Variants in PRKDC observed in about 807,000 individuals in gnomAD.
The protein encoded by PRKDC is protein kinase, DNA-activated, catalytic subunit.
A neutral mutation model predicts 486.9 loss-of-function variants in PRKDC; 82 were observed. The observed-to-expected ratio is 0.17, with a 90% CI of 0.14 to 0.20. The LOEUF (loss-of-function observed/expected upper bound fraction) is 0.20. Among genes scored for constraint, PRKDC ranks in the 10% least tolerant of loss-of-function variants. The pLI is 1.00. For missense variants in PRKDC, 4,504 were observed against 5,038.2 expected, an observed-to-expected ratio of 0.89 and a Z score of 3.21; for synonymous variants, 1,895 against 1,837.0, an observed-to-expected ratio of 1.03 and a Z score of -0.81.
At chr8:47,848,470 T>C (rs1294152801) in intron 54 of PRKDC, among the ~76,000 whole-genome samples, 1 of 151,890 alleles carries the variant, frequency 6.6e-6, no homozygotes, top group African/African-American at 2.4e-5. Context: ...CAACAGACAC[T>C]GGGGAACAGA....
At chr8:47,836,806 T>G (rs2154499740) in intron 57 of PRKDC, among the ~76,000 whole-genome samples, 1 of 152,312 alleles carries the variant, frequency 6.6e-6, no homozygotes, top group South Asian at 2.1e-4. Context: ...CCAAATGCAA[T>G]GAGTCAAGCG....
At chr8:47,788,030 G>C (rs765620689) in intron 76 of PRKDC, among the ~76,000 whole-genome samples, 1 of 152,180 alleles carries the variant, frequency 6.6e-6, no homozygotes, top group Non-Finnish European at 1.5e-5. Flanking sequence ...TGAGAACTCT[G>C]GCAACAAGAG....
intron 77 of PRKDC, 36 bp from the exon 78 acceptor site, chr8:47,783,845 G>C: frequency 1.3e-6 from 2 of 1,593,838 alleles, no homozygotes; most frequent in Non-Finnish European, 8.6e-7. Context: ...GGAACAGCTT[G>C]TTAGACAACC....
In PRKDC at chr8:47,887,650, C is replaced by A. The variant is rs1192667898; in HGVS notation, c.4469G>T (p.Gly1490Val). 2 of 1,609,094 alleles carry A rather than the reference C, an allele frequency of 1.2e-6. No individual in the cohort carries two copies. The highest frequency in any genetic ancestry group is 1.3e-5 in the African/African-American group (1 of 74,968). ...CTGTCTCTCATCTCCAGGGGCAATG[C>A]CTTTATAAACCAGGGAAAGAAGTTC... ...GTELLSLVYK[G>V]IAPGDERQCL... The change falls in exon 35 of 86, where the codon GGC (glycine) becomes GTC (valine). Residue 1490 changes from glycine to valine, a missense_variant. Coordinates refer to ENST00000314191, the MANE Select transcript of PRKDC (RefSeq NM_006904.7).
intron 50 of PRKDC, 32 bp downstream of exon 50, chr8:47,855,190 C>G (rs2088505975): frequency 6.5e-7 from 1 of 1,528,850 alleles, no homozygotes; most frequent in Non-Finnish European, 8.8e-7. Context: ...ACCTAAATTT[C>G]TAAACAATAC....
At position 47,879,476 on chromosome 8, in the gene PRKDC, C is replaced by G. The variant is rs745639563; in HGVS notation, c.5235+15G>C. The G allele has an allele frequency of 3.3e-6, 5 of 1,538,094 alleles. No homozygotes were observed. The African/African-American group carries it at 5.5e-5, about 17-fold the overall frequency. On this transcript the variant is annotated intron_variant, in intron 39 of 85. Coordinates refer to ENST00000314191, the MANE Select transcript of PRKDC (RefSeq NM_006904.7). ...AACAGTGTTTTAATTTTACTTGATA[C>G]TACTAGAAACTAACCTTTTTCATGC... is the stretch of plus-strand genomic sequence containing the variant.
chr8:47,812,851 G>A (rs565515215), intron 68 of PRKDC, among the ~76,000 whole-genome samples: 1 of 152,014 alleles, frequency 6.6e-6, no homozygotes, highest in East Asian at 1.9e-4. Flanking sequence ...GATGAATCAA[G>A]TGTTAAAAAA....
At chr8:47,812,423 TAC>T (rs2154498647) in intron 68 of PRKDC, among the ~76,000 whole-genome samples, 1 of 152,328 alleles carries the variant, frequency 6.6e-6, no homozygotes, top group East Asian at 1.9e-4. Context: ...ATCAAAATCA[TAC>T]AGAGGGTGTT....
At position 47,902,610 on chromosome 8, in the gene PRKDC, C is replaced by T; in HGVS notation, c.3228G>A (p.Leu1076=). The change falls in exon 27 of 86, where the codon CTG becomes CTA. Residue 1076 remains leucine, a synonymous_variant. Coordinates refer to ENST00000314191, the MANE Select transcript of PRKDC (RefSeq NM_006904.7). ...LALHPNAFKR[L]GASLAFNNIY... The stretch of plus-strand genomic sequence containing the variant: ...TATTATTAAAGGCAAGTGATGCTCC[C>T]AGCCTCTTGAAAGCATTGGGGTGAA... 6.2e-7 allele frequency: 1 copy of T among 1,607,160 alleles called. No homozygotes were observed. Among genetic ancestry groups the T allele is most frequent in the Non-Finnish European group, 8.5e-7 (1 of 1,176,932 alleles).
At chr8:47,955,750 A>C in intron 4 of PRKDC, 124 bp downstream of exon 4, 1 of 695,458 alleles carries the variant, frequency 1.4e-6, no homozygotes, top group Admixed American at 3.1e-5. Context: ...TCTTACCCAC[A>C]CATCAATGTG....
chr8:47,840,088 A>C lies in PRKDC; in HGVS notation c.7382T>G (p.Phe2461Cys). The C allele has an allele frequency of 6.3e-7, 1 of 1,575,958 alleles. No individual in the cohort carries two copies. Among genetic ancestry groups the C allele is most frequent in the Non-Finnish European group, 8.6e-7 (1 of 1,158,636 alleles). Residue 2461 changes from phenylalanine to cysteine, a missense_variant, in exon 55 of 86, where the codon TTC becomes TGC. Physicochemically the swap from Phe to Cys is radical, Grantham distance 205. This residue lies in a region of PRKDC where 1,592 missense variants were observed against 1,724.6 expected (regional missense o/e 0.92). Transcript: ENST00000314191. The part of the protein sequence containing the change: ...LRELLNPVVE[F>C]VSHPSTTCRE... ...ACATGTTGTAGAAGGATGGGAAACG[A>C]ATTCCACAACGGGGTTCAGAAGTTC...
Position 47,935,888 on chromosome 8 carries a change from A to G in PRKDC, c.1291T>C (p.Tyr431His). ...LLYLDTVPEV[Y>H]TPVLEHLVVM... ...ACGAGGTGCTCCAGAACTGGAGTAT[A>G]CACCTCAGGAACCTACCGGAAATAA... Residue 431 changes from tyrosine (Y) to histidine (H), a missense_variant, in exon 13 of 86, where the codon TAT (tyrosine) becomes CAT (histidine). By Grantham distance (83) the Tyr-to-His change is moderately conservative. This residue lies in a region of PRKDC where 1,969 missense variants were observed against 2,068.9 expected (regional missense o/e 0.95). Coordinates refer to ENST00000314191, the MANE Select transcript of PRKDC (RefSeq NM_006904.7). The G allele has an allele frequency of 6.2e-7, 1 of 1,613,688 alleles. No homozygotes were observed.
intron 45 of PRKDC, among the ~76,000 whole-genome samples, 184 bp from the exon 46 acceptor site, chr8:47,859,943 T>C (rs1192888932): frequency 1.3e-5 from 2 of 152,202 alleles, no homozygotes; most frequent in African/African-American, 4.8e-5. Flanking sequence ...AAGACCTCAT[T>C]TTCTTTTTGT....
chr8:47,892,501 T>C (rs982242328), intron 31 of PRKDC, among the ~76,000 whole-genome samples: 1 of 152,092 alleles, frequency 6.6e-6, no homozygotes, highest in African/African-American at 2.4e-5. Flanking sequence ...TGACTAACTT[T>C]AGTATTTTTT....
rs1362715741 is a variant in PRKDC at position 47,834,250 on chromosome 8, A to G, written c.8098T>C (p.Phe2700Leu). 1 of 1,613,892 alleles carries G rather than the reference A, an allele frequency of 6.2e-7. No homozygotes were observed. Among genetic ancestry groups the G allele is most frequent in the Admixed American group, 1.7e-5 (1 of 60,016 alleles). Residue 2700 changes from phenylalanine (F) to leucine (L), a missense_variant, in exon 59 of 86, where the codon TTT (phenylalanine) becomes CTT (leucine). Coordinates refer to ENST00000314191, the MANE Select transcript of PRKDC (RefSeq NM_006904.7). ...RAPLKSVGPD[F>L]GKKRLGLPGD... Reference sequence around the variant, plus strand: ...GGAAGGCCCAGCCTTTTTTTCCCAAAATCAGGCCCCACTGACTTCAAGGGT... The same window carrying G: ...GGAAGGCCCAGCCTTTTTTTCCCAAGATCAGGCCCCACTGACTTCAAGGGT...
rs934674701 is a variant in PRKDC, at chr8:47,821,722, G to A, written c.8993C>T (p.Ser2998Phe). 1 of 1,599,634 alleles carries A rather than the reference G, an allele frequency of 6.3e-7. No individual in the cohort carries two copies. The highest frequency in any genetic ancestry group is 1.7e-5 in the Admixed American group (1 of 57,778). Residue 2998 changes from serine to phenylalanine, a missense_variant, in exon 65 of 86, where the codon TCC becomes TTC. Around this residue, in one of 6 missense-constraint regions of PRKDC, gnomAD observed 1,592 missense variants for 1,724.6 expected, o/e 0.92. Transcript: ENST00000314191. ...AGCAAGGTGGTTGTAACAGTCAAGG[G>A]ATGCAAGTTCCCAAAAATCCTTCTC... ...EAEKDFWELA[S>F]LDCYNHLAEW...
intron 60 of PRKDC, 75 bp from the exon 61 acceptor site, chr8:47,830,811 T>C: frequency 6.3e-7 from 1 of 1,582,224 alleles, no homozygotes; most frequent in Non-Finnish European, 8.7e-7. Flanking sequence ...GCTATGAGGC[T>C]GCCAGGATCC....
chr8:47,818,667 T>C (rs575037098), intron 67 of PRKDC, among the ~76,000 whole-genome samples: 1 of 151,112 alleles, frequency 6.6e-6, no homozygotes, highest in East Asian at 1.9e-4. Flanking sequence ...TAATAAATGA[T>C]ACGTCATTAA....
intron 49 of PRKDC, 101 bp downstream of exon 49, chr8:47,857,055 C>G: frequency 7.7e-7 from 1 of 1,292,408 alleles, no homozygotes; most frequent in Non-Finnish European, 1.0e-6. Flanking sequence ...TGCTGAAAAC[C>G]ATAGCACAGT....
Sources: allele counts gnomAD v4.1 joint callset (sites outside exome capture counted in the v4.1 genomes callset), GRCh38; gene constraint gnomAD v4.1.1; regional missense constraint gnomAD v4.1.1; transcripts MANE v1.5; gene names NCBI Gene and HGNC (gene_info 2026-07-23, HGNC 2026-07-21).